Variants in VDAC1 observed in about 807,000 individuals in gnomAD.
The protein encoded by VDAC1 is voltage dependent anion channel 1, also known as non-selective voltage-gated ion channel VDAC1.
Under a neutral mutation model 34.7 loss-of-function variants are expected in VDAC1, and 10 were observed. The observed-to-expected ratio is 0.29, with a 90% CI of 0.18 to 0.49. The LOEUF (loss-of-function observed/expected upper bound fraction) is 0.49, where lower values mean the gene tolerates loss of function less well. Among genes scored for constraint, VDAC1 ranks in the 20% least tolerant of loss-of-function variants. VDAC1 has a pLI of 0.99. For missense variants in VDAC1, 230 were observed against 347.9 expected (o/e 0.66, Z 2.69); for synonymous variants, 130 against 136.0 (o/e 0.96, Z 0.30).
In VDAC1 at chr5:133,972,057, C is replaced by T. The variant is rs1298111795; in HGVS notation, c.*714G>A. The T allele has an allele frequency of 6.6e-6, 1 of 152,556 alleles. No individual in the cohort carries two copies. Among genetic ancestry groups the T allele is most frequent in the Non-Finnish European group, 1.5e-5 (1 of 68,058 alleles). 9.5% of individuals were successfully genotyped at this position (152,556 alleles called of 1,614,324 possible). On this transcript the variant is annotated 3_prime_UTR_variant, in exon 9 of 9. Coordinates refer to ENST00000265333, the MANE Select transcript of VDAC1 (RefSeq NM_003374.3). ...AACAAATTGAGTGGTGAGAATACAA[C>T]AGAAGTCCAATTTAGATTCTGAGTG... is the stretch of plus-strand genomic sequence containing the variant.
the VDAC1 span, among the ~76,000 whole-genome samples, chr5:134,068,624 T>C: frequency 1.3e-5 from 2 of 152,194 alleles, no homozygotes; most frequent in African/African-American, 2.4e-5. Flanking sequence ...ATTTTCTCAT[T>C]GTCTTTGGTG....
At chr5:133,992,552 C>T (rs1753144048) in intron 2 of VDAC1, among the ~76,000 whole-genome samples, 197 bp from the exon 3 acceptor site, 1 of 152,184 alleles carries the variant, frequency 6.6e-6, no homozygotes, top group African/African-American at 2.4e-5. Flanking sequence ...AGAATGGGCA[C>T]CCCCACCTGG....
chr5:134,033,775 G>A, the VDAC1 span, among the ~76,000 whole-genome samples: 1 of 151,588 alleles, frequency 6.6e-6, no homozygotes, highest in Non-Finnish European at 1.5e-5. Flanking sequence ...GGCGGATCAC[G>A]AGGTCAGCAG....
At chr5:134,047,100 T>C in the VDAC1 span, among the ~76,000 whole-genome samples, 1 of 152,002 alleles carries the variant, frequency 6.6e-6, no homozygotes, top group African/African-American at 2.4e-5. Flanking sequence ...CCTTGACCTT[T>C]CTCCTGCCCC....
At chr5:134,039,492 C>A in the VDAC1 span, among the ~76,000 whole-genome samples, 1 of 136,904 alleles carries the variant, frequency 7.3e-6, no homozygotes, top group Non-Finnish European at 1.6e-5. Context: ...CCACGCCCGG[C>A]TAATTTTTTG....
the VDAC1 span, among the ~76,000 whole-genome samples, chr5:134,102,915 T>C: frequency 6.6e-6 from 1 of 152,020 alleles, no homozygotes; most frequent in Non-Finnish European, 1.5e-5. Flanking sequence ...CAGGGAGTTG[T>C]TAGAGTCTCT....
At chr5:134,021,423 T>C in the VDAC1 span, among the ~76,000 whole-genome samples, 478 of 151,082 alleles carry the variant, frequency 3.2e-3, 4 homozygotes, top group African/African-American at 0.011. Flanking sequence ...CACCTCTGAG[T>C]GAGAACATGT....
chr5:134,091,442 C>T, the VDAC1 span, among the ~76,000 whole-genome samples: 7 of 152,150 alleles, frequency 4.6e-5, no homozygotes, highest in African/African-American at 9.7e-5. Flanking sequence ...AAGTTCTTCA[C>T]ACAACATTGT....
chr5:134,036,659 T>A, the VDAC1 span, among the ~76,000 whole-genome samples: 132,309 of 149,376 alleles, frequency 0.89, 58,643 homozygotes, highest in East Asian at 0.97. Flanking sequence ...CTGTCTTTTT[T>A]AAAAAAAAAA....
intron 1 of VDAC1, among the ~76,000 whole-genome samples, chr5:133,995,093 C>T (rs1753247982): frequency 6.6e-6 from 1 of 152,212 alleles, no homozygotes; most frequent in Non-Finnish European, 1.5e-5. Context: ...AGCACAGCCA[C>T]CTGTCAAAAA....
the VDAC1 span, among the ~76,000 whole-genome samples, chr5:134,063,102 A>T: frequency 6.6e-6 from 1 of 152,242 alleles, no homozygotes; most frequent in Admixed American, 6.5e-5. Flanking sequence ...AAAGTTTCAA[A>T]GATGGTGAAC....
intron 8 of VDAC1, 141 bp from the exon 9 acceptor site, chr5:133,973,003 T>A: frequency 1.5e-6 from 1 of 665,372 alleles, no homozygotes; most frequent in Non-Finnish European, 2.7e-6. Context: ...CCTTGTTACT[T>A]AGCACTATCT....
intron 5 of VDAC1, among the ~76,000 whole-genome samples, chr5:133,984,112 G>A (rs1752811284): frequency 1.3e-5 from 2 of 152,248 alleles, no homozygotes; most frequent in East Asian, 3.9e-4. Flanking sequence ...CAGGAGTGCA[G>A]TGGTGCGATC....
At chr5:133,998,185 T>C (rs867914253) in intron 1 of VDAC1, among the ~76,000 whole-genome samples, 6 of 152,254 alleles carry the variant, frequency 3.9e-5, no homozygotes, top group Non-Finnish European at 5.9e-5. Flanking sequence ...CATCTTTCTA[T>C]GTTCATGAAT....
the VDAC1 span, among the ~76,000 whole-genome samples, chr5:134,091,917 G>T: frequency 6.6e-6 from 1 of 152,228 alleles, no homozygotes; most frequent in Non-Finnish European, 1.5e-5. Context: ...CTTCATGCAG[G>T]CTGGGTGTGT....
the VDAC1 span, among the ~76,000 whole-genome samples, chr5:134,056,190 G>C: frequency 9.5e-4 from 137 of 144,018 alleles, no homozygotes; most frequent in Middle Eastern, 3.8e-3. Context: ...GCAGTGAGCC[G>C]ATATAGCACC....
intron 1 of VDAC1, among the ~76,000 whole-genome samples, chr5:134,001,449 G>A (rs936348850): frequency 6.6e-6 from 1 of 152,140 alleles, no homozygotes; most frequent in Non-Finnish European, 1.5e-5. Flanking sequence ...GGGCTCAGTG[G>A]CTCACACCTG....
At chr5:134,048,277 T>TC in the VDAC1 span, among the ~76,000 whole-genome samples, 4 of 148,552 alleles carry the variant, frequency 2.7e-5, no homozygotes, top group East Asian at 2.0e-4. Context: ...CTTTTTTTTT[T>TC]CTCTCTTTTG....
chr5:134,075,823 G>A, the VDAC1 span, among the ~76,000 whole-genome samples: 8 of 152,150 alleles, frequency 5.3e-5, no homozygotes, highest in Admixed American at 1.3e-4. Flanking sequence ...CTGACCTGGT[G>A]ATTCGCCCGC....
Sources: allele counts gnomAD v4.1 joint callset (sites outside exome capture counted in the v4.1 genomes callset), GRCh38; gene constraint gnomAD v4.1.1; transcripts MANE v1.5; gene names NCBI Gene and HGNC (gene_info 2026-07-23, HGNC 2026-07-21).